DCAF8L2: variants seen among roughly 807,000 people sequenced by gnomAD.
DCAF8L2 encodes DDB1 and CUL4 associated factor 8 like 2, also known as DDB1- and CUL4-associated factor 8-like protein 2.
For missense variants in DCAF8L2, 430 were observed against 490.7 expected, an observed-to-expected ratio of 0.88 and a Z score of 1.17; for synonymous variants, 200 against 190.9, an observed-to-expected ratio of 1.05 and a Z score of -0.39.
chrX:27,471,668 A>G, the DCAF8L2 span, among the ~76,000 whole-genome samples: 2 of 111,289 alleles, frequency 1.8e-5, no homozygotes, highest in African/African-American at 3.3e-5. Flanking sequence ...ACATTACCCT[A>G]TTTCAGTTTC....
the DCAF8L2 span, among the ~76,000 whole-genome samples, chrX:27,521,193 A>T: frequency 8.9e-6 from 1 of 112,413 alleles, no homozygotes; most frequent in Non-Finnish European, 1.9e-5. Flanking sequence ...TGTGACATCA[A>T]GTAGACTTGC....
intron 3 of DCAF8L2, among the ~76,000 whole-genome samples, chrX:27,709,601 C>G (rs1249728855): frequency 8.9e-6 from 1 of 111,990 alleles, no homozygotes; most frequent in Admixed American, 9.5e-5. Context: ...CTTGGATAAT[C>G]TAGAATAACC....
intron 4 of DCAF8L2, among the ~76,000 whole-genome samples, chrX:27,721,767 G>A (rs773569508): frequency 8.9e-6 from 1 of 111,801 alleles, no homozygotes; most frequent in African/African-American, 3.2e-5. Flanking sequence ...GCAGCCCTAT[G>A]TAAAAAATCT....
intron 1 of DCAF8L2, among the ~76,000 whole-genome samples, chrX:27,626,990 G>A (rs1181198083): frequency 9.2e-6 from 1 of 108,443 alleles, no homozygotes; most frequent in African/African-American, 3.4e-5. Context: ...ATAATTAGGG[G>A]AGGGGGAATT....
chrX:27,596,212 A>T (rs1926352312), intron 1 of DCAF8L2, among the ~76,000 whole-genome samples: 1 of 111,749 alleles, frequency 8.9e-6, no homozygotes, highest in South Asian at 3.7e-4. Context: ...TGAGAGCAGG[A>T]TTTATTTTCC....
chrX:27,515,144 T>TACAA, the DCAF8L2 span, among the ~76,000 whole-genome samples: 2 of 112,022 alleles, frequency 1.8e-5, no homozygotes, highest in Admixed American at 1.9e-4. Context: ...ACACCATAAA[T>TACAA]ATTTACAATT....
At chrX:27,530,709 C>G in the DCAF8L2 span, among the ~76,000 whole-genome samples, 1 of 111,912 alleles carries the variant, frequency 8.9e-6, no homozygotes, top group Non-Finnish European at 1.9e-5. Flanking sequence ...TCAAATATTT[C>G]CTGCTGTCCG....
the DCAF8L2 span, among the ~76,000 whole-genome samples, chrX:27,557,351 T>C: frequency 1.8e-5 from 2 of 112,178 alleles, no homozygotes; most frequent in Non-Finnish European, 3.8e-5. Context: ...TGGTAATATG[T>C]TAATTATTTA....
At position 27,598,468 on chromosome X, in the gene DCAF8L2, A is replaced by G. The variant is rs1230541640; in HGVS notation, c.-342+8028A>G. On this transcript the variant is annotated intron_variant, in intron 1 of 4. Transcript: ENST00000451261. ...CATTGTTCTACATTCCTTGAGGCAC[A>G]GTGAGTTCTTGCTTCCCCCGCTAGC... 4.4e-5 allele frequency among the ~76,000 whole-genome samples: 5 copies of G among 112,575 alleles called. No individual in the cohort carries two copies. The East Asian group carries it at 1.4e-3, about 32-fold the overall frequency.
the DCAF8L2 span, among the ~76,000 whole-genome samples, chrX:27,535,985 G>C: frequency 9.0e-6 from 1 of 111,356 alleles, no homozygotes; most frequent in Non-Finnish European, 1.9e-5. Flanking sequence ...TTTGCATTCT[G>C]TTCTGAGGGA....
chrX:27,573,865 C>CT, the DCAF8L2 span, among the ~76,000 whole-genome samples: 482 of 104,062 alleles, frequency 4.6e-3, 3 homozygotes, highest in African/African-American at 0.015. Flanking sequence ...CTCTCTCTCT[C>CT]TTTTTTTTTT....
rs778432855 is a variant in DCAF8L2 at position 27,657,068 on chromosome X, AAG to A, written c.-219-20761_-219-20760del. On this transcript the variant is annotated intron_variant, in intron 2 of 4. Coordinates refer to ENST00000451261, the MANE Select transcript of DCAF8L2 (RefSeq NM_001353450.2). ...ATACAAGCAGACAGAAAAATGTGAAAAGAGAGAGTTCTTCAGTTTTGGGACTC... is the reference window on the plus strand; with the variant it reads ...ATACAAGCAGACAGAAAAATGTGAAAAGAGAGTTCTTCAGTTTTGGGACTC... Among the ~76,000 whole-genome samples, 11 of 110,742 alleles carry A rather than the reference AAG, an allele frequency of 9.9e-5. No homozygotes were observed. In the East Asian group the frequency reaches 2.9e-3, roughly 29 times the overall value.
At chrX:27,686,630 A>T (rs1486201605) in intron 3 of DCAF8L2, among the ~76,000 whole-genome samples, 1 of 111,618 alleles carries the variant, frequency 9.0e-6, no homozygotes, top group African/African-American at 3.3e-5. Context: ...GTACACTTAA[A>T]TAAAAGGAAT....
At chrX:27,625,559 T>C (rs116139941) in intron 1 of DCAF8L2, among the ~76,000 whole-genome samples, 2,160 of 112,133 alleles carry the variant, frequency 0.019, 45 homozygotes, top group African/African-American at 0.065. Flanking sequence ...CACACACACA[T>C]GTTAGTTCAT....
At chrX:27,661,240 C>T (rs1158406634) in intron 2 of DCAF8L2, among the ~76,000 whole-genome samples, 1 of 111,989 alleles carries the variant, frequency 8.9e-6, no homozygotes, top group Non-Finnish European at 1.9e-5. Flanking sequence ...TGGAGATCTA[C>T]AGTTTAAGTT....
At chrX:27,494,926 G>C in the DCAF8L2 span, among the ~76,000 whole-genome samples, 1 of 110,577 alleles carries the variant, frequency 9.0e-6, no homozygotes, top group Admixed American at 9.7e-5. Context: ...TTTAATTTTG[G>C]AATTCTGATC....
chrX:27,528,444 A>T, the DCAF8L2 span, among the ~76,000 whole-genome samples: 2 of 100,369 alleles, frequency 2.0e-5, no homozygotes, highest in Non-Finnish European at 4.0e-5. Context: ...GTATGTGTAT[A>T]TATACATATA....
the DCAF8L2 span, among the ~76,000 whole-genome samples, chrX:27,533,248 G>C: frequency 1.0e-5 from 1 of 100,375 alleles, no homozygotes; most frequent in Non-Finnish European, 2.0e-5. Context: ...AAGAAAGAAA[G>C]AAAGAAAGAA....
rs951949049 is a variant in DCAF8L2 at position 27,619,576 on chromosome X, G to T, written c.-341-12303G>T. Among the ~76,000 whole-genome samples, 3 of 111,839 alleles carry T rather than the reference G, an allele frequency of 2.7e-5. No individual in the cohort carries two copies. In the Admixed American group the frequency reaches 2.9e-4, roughly 11 times the overall value. On this transcript the variant is annotated intron_variant, in intron 1 of 4. Coordinates refer to ENST00000451261, the MANE Select transcript of DCAF8L2 (RefSeq NM_001353450.2). Reference sequence around the variant, plus strand: ...CAAGTTGGCACAGAAGTCAGGAAAAGTAAAGGGAAATTCAAAGAAGCTAGT... The same window carrying T: ...CAAGTTGGCACAGAAGTCAGGAAAATTAAAGGGAAATTCAAAGAAGCTAGT...
Sources: gnomAD v4.1 joint callset for allele counts (sites outside exome capture counted in the v4.1 genomes callset) on GRCh38, gnomAD v4.1.1 for gene constraint, MANE v1.5 for transcripts, NCBI Gene and HGNC (gene_info 2026-07-23, HGNC 2026-07-21) for gene names.